The following CMSS1 variants were observed in gnomAD, a reference collection of about 807,000 sequenced individuals.
The protein encoded by CMSS1 is protein CMSS1.
A neutral mutation model predicts 43.5 loss-of-function variants in CMSS1; 33 were observed. The ratio of observed to expected loss-of-function variants is 0.76; its 90% confidence interval spans 0.57 to 1.01. The LOEUF (loss-of-function observed/expected upper bound fraction) is 1.01, where lower values mean the gene tolerates loss of function less well. Ranked by LOEUF, CMSS1 falls within the 50% of genes least tolerant of loss-of-function variation. The pLI is 0.00. For synonymous variants in CMSS1, 115 were observed against 117.2 expected (o/e 0.98, Z 0.12); for missense variants, 313 against 326.4 (o/e 0.96, Z 0.32).
rs565342686 is a variant in CMSS1 at position 100,165,215 on chromosome 3, A to G, written c.356-1120A>G. Among the ~76,000 whole-genome samples the G allele has an allele frequency of 1.6e-3, 240 of 152,352 alleles. 1 individual carries two copies. Among genetic ancestry groups the G allele is most frequent in the Non-Finnish European group, 2.9e-3 (198 of 68,034 alleles). On this transcript the variant is annotated intron_variant, in intron 4 of 9. Coordinates refer to ENST00000421999, the MANE Select transcript of CMSS1 (RefSeq NM_032359.4). ...CATTATAAAGACCACCAAAGGCTCCACAACAATATAGGAGAAAACAGCTTT... is the reference window on the plus strand; with the variant it reads ...CATTATAAAGACCACCAAAGGCTCCGCAACAATATAGGAGAAAACAGCTTT...
chr3:100,074,203 G>A (rs2065809699), intron 1 of CMSS1, among the ~76,000 whole-genome samples: 1 of 152,162 alleles, frequency 6.6e-6, no homozygotes, highest in South Asian at 2.1e-4. Flanking sequence ...TGGAGTCCGA[G>A]AGCTCTAAAT....
At chr3:100,167,880 G>T in intron 6 of CMSS1, 40 bp downstream of exon 6, 1 of 1,375,558 alleles carries the variant, frequency 7.3e-7, no homozygotes, top group South Asian at 1.2e-5. Context: ...AATGTTTTCT[G>T]AATAACTGAT....
intron 1 of CMSS1, among the ~76,000 whole-genome samples, chr3:100,050,870 G>T (rs897036673): frequency 7.2e-5 from 11 of 152,262 alleles, no homozygotes; most frequent in Non-Finnish European, 1.5e-4. Context: ...AACTTTGGAA[G>T]ATAACTCTGT....
chr3:99,957,535 A>G (rs920531580), intron 1 of CMSS1, among the ~76,000 whole-genome samples: 8 of 152,004 alleles, frequency 5.3e-5, no homozygotes, highest in African/African-American at 1.9e-4. Flanking sequence ...TTAAGGAACA[A>G]AACAGTGCTC....
intron 1 of CMSS1, among the ~76,000 whole-genome samples, chr3:100,121,199 C>A (rs2066616140): frequency 6.6e-6 from 1 of 152,052 alleles, no homozygotes; most frequent in Non-Finnish European, 1.5e-5. Flanking sequence ...CCCATCAACC[C>A]ATCACCTACA....
intron 1 of CMSS1, chr3:99,929,715 C>T (rs1224302782): frequency 5.4e-6 from 3 of 552,850 alleles, no homozygotes; most frequent in Admixed American, 3.9e-5. Flanking sequence ...TTGAACTTGT[C>T]GTATTTATCT....
chr3:100,014,895 C>CTTTTTTTTTTTTTTTTTTTTTTTTCT (rs1233573719), intron 1 of CMSS1, among the ~76,000 whole-genome samples: 1 of 25,004 alleles, frequency 4.0e-5, no homozygotes, highest in Non-Finnish European at 7.0e-5. Flanking sequence ...TTCTTTCTTT[C>CTTTTTTTTTTTTTTTTTTTTTTTTCT]TTTTTTTTTT....
chr3:100,015,650 G>A (rs999274623), intron 1 of CMSS1, among the ~76,000 whole-genome samples: 17 of 152,164 alleles, frequency 1.1e-4, no homozygotes, highest in African/African-American at 4.1e-4. Context: ...CTACAGCTGT[G>A]ACTGAAATTA....
intron 1 of CMSS1, among the ~76,000 whole-genome samples, chr3:100,080,968 A>C (rs1261257530): frequency 6.6e-6 from 1 of 152,236 alleles, no homozygotes; most frequent in Non-Finnish European, 1.5e-5. Flanking sequence ...TGTTTGCAGA[A>C]GATAAAAAGG....
At chr3:100,123,360 G>A (rs1334234288) in intron 1 of CMSS1, among the ~76,000 whole-genome samples, 1 of 152,204 alleles carries the variant, frequency 6.6e-6, no homozygotes, top group Non-Finnish European at 1.5e-5. Flanking sequence ...GGGGTATTGT[G>A]AGCCAAAGAG....
intron 1 of CMSS1, among the ~76,000 whole-genome samples, chr3:100,144,973 C>T (rs1038251201): frequency 1.3e-5 from 2 of 152,102 alleles, no homozygotes; most frequent in South Asian, 2.1e-4. Context: ...CATTGTACTT[C>T]GCCAGAGGGG....
intron 1 of CMSS1, among the ~76,000 whole-genome samples, chr3:99,903,502 G>C (rs181682802): frequency 6.6e-6 from 1 of 152,026 alleles, no homozygotes; most frequent in African/African-American, 2.4e-5. Context: ...CACCTGCCTC[G>C]GCCTCCCAAA....
intron 1 of CMSS1, among the ~76,000 whole-genome samples, chr3:99,864,828 G>T (rs766307452): frequency 1.3e-5 from 2 of 151,934 alleles, no homozygotes; most frequent in Non-Finnish European, 2.9e-5. Flanking sequence ...GTACCATCTG[G>T]CATACTATAT....
intron 2 of CMSS1, among the ~76,000 whole-genome samples, chr3:100,149,965 C>A (rs1429675875): frequency 6.6e-6 from 1 of 152,090 alleles, no homozygotes; most frequent in East Asian, 1.9e-4. Flanking sequence ...TTTCCCAACA[C>A]AATTCCCTCC....
intron 1 of CMSS1, among the ~76,000 whole-genome samples, chr3:100,073,970 C>T (rs1380631310): frequency 1.3e-5 from 2 of 152,088 alleles, no homozygotes; most frequent in Admixed American, 6.5e-5. Context: ...GGCCATTTTG[C>T]ACGCCATGGT....
chr3:99,818,104 G>A (rs1576486283), intron 1 of CMSS1, 61 bp downstream of exon 1: 3 of 1,518,136 alleles, frequency 2.0e-6, no homozygotes, highest in Non-Finnish European at 2.7e-6. Context: ...GTGCGCCTCA[G>A]CCCTGGTCGC....
intron 9 of CMSS1, 74 bp downstream of exon 9, chr3:100,176,489 C>T: frequency 1.1e-6 from 1 of 937,674 alleles, no homozygotes; most frequent in Non-Finnish European, 1.7e-6. Context: ...GTAATAAAGT[C>T]TTTGACATGA....
intron 1 of CMSS1, among the ~76,000 whole-genome samples, chr3:99,941,231 A>G (rs140002155): frequency 6.7e-4 from 102 of 152,198 alleles, no homozygotes; most frequent in African/African-American, 2.4e-3. Context: ...ATTCTCTTCA[A>G]TCTACTGATG....
At chr3:100,007,198 G>A (rs1710012955) in intron 1 of CMSS1, among the ~76,000 whole-genome samples, 1 of 152,116 alleles carries the variant, frequency 6.6e-6, no homozygotes, top group South Asian at 2.1e-4. Flanking sequence ...GGCTTTTATT[G>A]CTTTTTCTAT....
Sources: allele counts gnomAD v4.1 joint callset (sites outside exome capture counted in the v4.1 genomes callset), GRCh38; gene constraint gnomAD v4.1.1; transcripts MANE v1.5; gene names NCBI Gene and HGNC (gene_info 2026-07-23, HGNC 2026-07-21).